PIEZO2: variants seen among roughly 807,000 people sequenced by gnomAD.
The protein encoded by PIEZO2 is piezo-type mechanosensitive ion channel component 2.
A neutral mutation model predicts 337.3 loss-of-function variants in PIEZO2; 172 were observed. The observed-to-expected ratio is 0.51, with a 90% CI of 0.45 to 0.58. The LOEUF (loss-of-function observed/expected upper bound fraction) is 0.58. Ranked by LOEUF, PIEZO2 falls within the 20% of genes least tolerant of loss-of-function variation. The pLI, the probability that PIEZO2 is intolerant of heterozygous loss-of-function variation, is 0.00. For missense variants in PIEZO2, 3,028 were observed against 3,391.3 expected (o/e 0.89, Z 2.66); for synonymous variants, 1,251 against 1,228.5 (o/e 1.02, Z -0.38).
At chr18:10,930,052 C>A (rs754095303) in intron 3 of PIEZO2, among the ~76,000 whole-genome samples, 1 of 152,176 alleles carries the variant, frequency 6.6e-6, no homozygotes, top group East Asian at 1.9e-4. Context: ...TACCAAATTC[C>A]AGCCTGACTG....
intron 2 of PIEZO2, among the ~76,000 whole-genome samples, chr18:11,007,532 T>C (rs1340073503): frequency 1.3e-5 from 2 of 152,050 alleles, no homozygotes; most frequent in Non-Finnish European, 2.9e-5. Flanking sequence ...CTAAGTATCA[T>C]AAGCACAAAG....
At chr18:10,806,039 C>G (rs1421255660) in intron 8 of PIEZO2, among the ~76,000 whole-genome samples, 1 of 152,192 alleles carries the variant, frequency 6.6e-6, no homozygotes, top group African/African-American at 2.4e-5. Flanking sequence ...CTATGCTGGC[C>G]CCTAGGTTAG....
rs1357881297 is a variant in PIEZO2, at chr18:11,116,590, C to CG, written c.64+31934_64+31935insC. 6.6e-6 allele frequency among the ~76,000 whole-genome samples: 1 copy of CG among 152,054 alleles called. No individual in the cohort carries two copies. Among genetic ancestry groups the CG allele is most frequent in the African/African-American group, 2.4e-5 (1 of 41,380 alleles). On this transcript the variant is annotated intron_variant, in intron 1 of 55. Coordinates refer to ENST00000674853, the MANE Select transcript of PIEZO2 (RefSeq NM_001378183.1). This position sits in a 1 kb window ranked among gnomAD's most constrained non-coding sequence, Gnocchi z 5.0. ...ATTAGCCGGGCGTGGTGGCGGGGGGCCTGTAGTCCCAGCTACTCGGGAGGC... is the reference window on the plus strand; with the variant it reads ...ATTAGCCGGGCGTGGTGGCGGGGGGCGCTGTAGTCCCAGCTACTCGGGAGGC...
Position 10,746,907 on chromosome 18 carries a change from A to G in PIEZO2, c.4424+1564T>C, listed in dbSNP as rs1020699553. The stretch of plus-strand genomic sequence containing the variant: ...ATGGTATTTTTGTTATGTCCGCCCA[A>G]ATGGACTGAGACGATACCAGGTGTA... On this transcript the variant is annotated intron_variant, in intron 30 of 55. Transcript: ENST00000674853. The surrounding 1 kb of genome is among the most constrained non-coding windows in gnomAD (Gnocchi z 4.2). 1.1e-4 allele frequency among the ~76,000 whole-genome samples: 16 copies of G among 152,220 alleles called. No individual in the cohort carries two copies. Among genetic ancestry groups the G allele is most frequent in the African/African-American group, 3.9e-4 (16 of 41,528 alleles).
At position 10,787,201 on chromosome 18, in the gene PIEZO2, G is replaced by GA. The variant is rs11468237; in HGVS notation, c.2170-18dup. 8,780 of 1,313,708 alleles carry GA rather than the reference G, an allele frequency of 6.7e-3. 6 individuals are homozygous for GA. Among genetic ancestry groups the GA allele is most frequent in the South Asian group, 0.028 (1,753 of 63,620 alleles). The allele number at this position is 1,313,708 out of a possible 1,614,324, so 81.4% of individuals were successfully genotyped here. On this transcript the variant is annotated splice_polypyrimidine_tract_variant and intron_variant, in intron 15 of 55. Transcript: ENST00000674853. ...ATAGTGCACCTGCAAATCAGACATT[G>GA]AAAAAAAAAAATGAGAAAAAATCAC...
chr18:10,819,474 C>T lies in PIEZO2; in HGVS notation c.918-12200G>A, dbSNP rs184308072. On this transcript the variant is annotated intron_variant, in intron 7 of 55. Transcript: ENST00000674853. This position sits in a 1 kb window ranked among gnomAD's most constrained non-coding sequence, Gnocchi z 4.3. ...ATACCAATGTATTCCAAAGACTCAG[C>T]TATGAAGGATGTGAAACTGCCTGTT... Among the ~76,000 whole-genome samples, 237 of 152,268 alleles carry T rather than the reference C, an allele frequency of 1.6e-3. 1 individual carries two copies. Among genetic ancestry groups the T allele is most frequent in the African/African-American group, 5.2e-3 (218 of 41,538 alleles).
intron 3 of PIEZO2, among the ~76,000 whole-genome samples, chr18:10,922,849 C>A (rs2031510241): frequency 6.6e-6 from 1 of 152,154 alleles, no homozygotes; most frequent in Non-Finnish European, 1.5e-5. Flanking sequence ...AACACCAAAA[C>A]TATACAAAAT....
rs1568412608 is a variant in PIEZO2, at chr18:11,143,625, A to ACTCT, written c.64+4899_64+4900insAGAG. Among the ~76,000 whole-genome samples the ACTCT allele has an allele frequency of 3.4e-4, 48 of 140,920 alleles. No homozygotes were observed. The highest frequency in any genetic ancestry group is 1.1e-3 in the African/African-American group (41 of 35,794). 92.4% of individuals were successfully genotyped at this position (140,920 alleles called of 152,430 possible). ...AACACACACACACACACACACACAC[A>ACTCT]CACACACACACACACTCTCTCTCTC... is the stretch of plus-strand genomic sequence containing the variant. On this transcript the variant is annotated intron_variant, in intron 1 of 55. Coordinates refer to ENST00000674853, the MANE Select transcript of PIEZO2 (RefSeq NM_001378183.1). This position sits in a 1 kb window ranked among gnomAD's most constrained non-coding sequence, Gnocchi z 4.9.
chr18:10,758,679 G>T (rs940732913), intron 26 of PIEZO2, among the ~76,000 whole-genome samples: 2 of 152,136 alleles, frequency 1.3e-5, no homozygotes, highest in African/African-American at 2.4e-5. Context: ...ATCTTTTTAT[G>T]TGTGGTGGAT....
Position 10,828,600 on chromosome 18 carries a change from G to A in PIEZO2, c.918-21326C>T, listed in dbSNP as rs2040750376. 6.6e-6 allele frequency among the ~76,000 whole-genome samples: 1 copy of A among 152,184 alleles called. No homozygotes were observed. The highest frequency in any genetic ancestry group is 1.5e-5 in the Non-Finnish European group (1 of 68,026). Reference sequence around the variant, plus strand: ...AGTGTGTGAGATATTGGTGCCCAGAGAGGGTCCGGAACTCAAATATTGGTT... The same window carrying A: ...AGTGTGTGAGATATTGGTGCCCAGAAAGGGTCCGGAACTCAAATATTGGTT... On this transcript the variant is annotated intron_variant, in intron 7 of 55. Transcript: ENST00000674853. The surrounding 1 kb of genome is among the most constrained non-coding windows in gnomAD (Gnocchi z 4.1).
Position 10,741,118 on chromosome 18 carries a change from T to A in PIEZO2, c.4637-16A>T. 6.5e-7 allele frequency: 1 copy of A among 1,529,566 alleles called. No individual in the cohort carries two copies. Among genetic ancestry groups the A allele is most frequent in the Non-Finnish European group, 8.7e-7 (1 of 1,143,718 alleles). 94.7% of individuals were successfully genotyped at this position (1,529,566 alleles called of 1,614,324 possible). On this transcript the variant is annotated splice_polypyrimidine_tract_variant and intron_variant, in intron 32 of 55. Coordinates refer to ENST00000674853, the MANE Select transcript of PIEZO2 (RefSeq NM_001378183.1). ...TCTGCTTCTCCTAAAATAAAATACGTCCACATATTAATTCGTATAAAGTGA... is the reference window on the plus strand; with the variant it reads ...TCTGCTTCTCCTAAAATAAAATACGACCACATATTAATTCGTATAAAGTGA...
rs1325025794 is a variant in PIEZO2 at position 11,051,546 on chromosome 18, A to G, written c.160+14581T>C. Among the ~76,000 whole-genome samples, 3 of 152,128 alleles carry G rather than the reference A, an allele frequency of 2.0e-5. No homozygotes were observed. In the East Asian group the frequency reaches 5.8e-4, roughly 29 times the overall value. ...CCCCCAATAAATAACTGATTCTCCC[A>G]AGAAAGAAGTAGATATGACCTGTCC... is the stretch of plus-strand genomic sequence containing the variant. On this transcript the variant is annotated intron_variant, in intron 2 of 55. Coordinates refer to ENST00000674853, the MANE Select transcript of PIEZO2 (RefSeq NM_001378183.1).
intron 4 of PIEZO2, among the ~76,000 whole-genome samples, chr18:10,889,924 G>A (rs540814474): frequency 3.8e-4 from 58 of 152,310 alleles, no homozygotes; most frequent in African/African-American, 1.2e-3. Flanking sequence ...AACTGCTGAC[G>A]TCTCAGGTTG....
chr18:10,825,587 G>C, intron 7 of PIEZO2, among the ~76,000 whole-genome samples: 1 of 47,238 alleles, frequency 2.1e-5, no homozygotes, highest in Admixed American at 2.6e-4. Flanking sequence ...ATCTTGTTTT[G>C]TCACCCAGGC....
intron 7 of PIEZO2, among the ~76,000 whole-genome samples, chr18:10,848,847 T>C (rs1179881042): frequency 6.6e-6 from 1 of 152,204 alleles, no homozygotes; most frequent in Non-Finnish European, 1.5e-5. Context: ...AGTGTTTACA[T>C]TATGATGAAG....
chr18:10,999,815 G>A (rs1021205846), intron 2 of PIEZO2, among the ~76,000 whole-genome samples: 6 of 152,162 alleles, frequency 3.9e-5, no homozygotes, highest in East Asian at 1.9e-4. Flanking sequence ...CAAATAAAAA[G>A]CAAATTGATA....
chr18:10,913,482 T>C (rs1248691357), intron 3 of PIEZO2, among the ~76,000 whole-genome samples: 1 of 152,176 alleles, frequency 6.6e-6, no homozygotes, highest in Non-Finnish European at 1.5e-5. Flanking sequence ...CTTTTACATT[T>C]TTCTACATTT....
rs2038806285 is a variant in PIEZO2 at position 11,083,091 on chromosome 18, T to C, written c.65-16869A>G. ...TCACTTAGGCCGTTGCTTATGGTTC[T>C]GGGTGGCCCATGGGAATCCCATGCT... On this transcript the variant is annotated intron_variant, in intron 1 of 55. Transcript: ENST00000674853. The surrounding 1 kb of genome is among the most constrained non-coding windows in gnomAD (Gnocchi z 4.4). Among the ~76,000 whole-genome samples the C allele has an allele frequency of 6.6e-6, 1 of 152,210 alleles. No homozygotes were observed. Among genetic ancestry groups the C allele is most frequent in the African/African-American group, 2.4e-5 (1 of 41,448 alleles).
chr18:10,985,455 T>G (rs79831520), intron 2 of PIEZO2, among the ~76,000 whole-genome samples: 5,073 of 152,152 alleles, frequency 0.033, 148 homozygotes, highest in African/African-American at 0.072. Flanking sequence ...CTTTCCCCAT[T>G]GTGTATTCTT....
Sources: gnomAD v4.1 joint callset for allele counts (sites outside exome capture counted in the v4.1 genomes callset) on GRCh38, gnomAD v4.1.1 for gene constraint, Gnocchi (gnomAD v3.1) non-coding constraint, MANE v1.5 for transcripts, NCBI Gene and HGNC (gene_info 2026-07-23, HGNC 2026-07-21) for gene names.